Variants in DCC observed in about 807,000 individuals in gnomAD.
DCC encodes netrin receptor DCC.
DCC carries 58 observed loss-of-function variants against 172.5 expected under a neutral mutation model. That is an observed-to-expected ratio of 0.34 (90% CI 0.27 to 0.42). The LOEUF is 0.42. Ranked by LOEUF, DCC falls within the 10% of genes least tolerant of loss-of-function variation. The pLI is 1.00. For missense variants in DCC, 1,740 were observed against 1,791.0 expected (o/e 0.97, Z 0.51); for synonymous variants, 709 against 644.5 (o/e 1.10, Z -1.52).
intron 5 of DCC, among the ~76,000 whole-genome samples, chr18:53,029,203 A>G (rs1424083532): frequency 2.0e-5 from 3 of 152,196 alleles, no homozygotes; most frequent in Admixed American, 2.0e-4. Context: ...TTAGCCAGTT[A>G]TAACTCATTA....
chr18:53,418,682 A>T (rs899591403), intron 21 of DCC, among the ~76,000 whole-genome samples: 5 of 152,118 alleles, frequency 3.3e-5, no homozygotes, highest in African/African-American at 9.7e-5. Flanking sequence ...TGATTGTCCT[A>T]AAAAAAGTAT....
chr18:52,794,207 A>C (rs2037828861), intron 2 of DCC, among the ~76,000 whole-genome samples: 1 of 151,618 alleles, frequency 6.6e-6, no homozygotes, highest in Non-Finnish European at 1.5e-5. Context: ...TTTGATGGGG[A>C]TTGCATTATG....
At chr18:53,472,941 A>G (rs2045716159) in intron 25 of DCC, among the ~76,000 whole-genome samples, 1 of 152,188 alleles carries the variant, frequency 6.6e-6, no homozygotes, top group African/African-American at 2.4e-5. Context: ...ACCCAGACTC[A>G]TGCTAAGGTA....
intron 2 of DCC, among the ~76,000 whole-genome samples, chr18:52,771,198 G>A (rs2037336755): frequency 1.3e-5 from 2 of 152,166 alleles, no homozygotes; most frequent in African/African-American, 2.4e-5. Context: ...CCAGATGCAC[G>A]CACAGAATGG....
chr18:53,138,985 A>C (rs1333183332), intron 7 of DCC, among the ~76,000 whole-genome samples: 1 of 152,214 alleles, frequency 6.6e-6, no homozygotes, highest in East Asian at 1.9e-4. Context: ...TACTATATAC[A>C]CTATGATTAC....
intron 5 of DCC, among the ~76,000 whole-genome samples, chr18:53,019,784 T>C (rs2041854540): frequency 6.6e-6 from 1 of 152,160 alleles, no homozygotes; most frequent in Non-Finnish European, 1.5e-5. Context: ...GTTTACTTAT[T>C]ATGTATGGTT....
intron 1 of DCC, among the ~76,000 whole-genome samples, chr18:52,358,992 C>T (rs546398902): frequency 2.0e-5 from 3 of 152,300 alleles, no homozygotes; most frequent in South Asian, 2.1e-4. Flanking sequence ...TTATAAAATC[C>T]TCCATGACAA....
In DCC at chr18:53,305,662, A is replaced by AC; in HGVS notation, c.1999dup (p.Arg667ProfsTer4). On this transcript the variant is annotated frameshift_variant, in exon 13 of 29. Coordinates refer to ENST00000442544, the MANE Select transcript of DCC (RefSeq NM_005215.4). LOFTEE classifies it high-confidence loss of function. ...CTATAAAATTCGACACAGAAAGACG[A>AC]CCCGCAGGGGTGAGATGGAAACACT... 6.2e-7 allele frequency: 1 copy of AC among 1,614,080 alleles called. No homozygotes were observed. The highest frequency in any genetic ancestry group is 8.5e-7 in the Non-Finnish European group (1 of 1,179,942).
intron 1 of DCC, among the ~76,000 whole-genome samples, chr18:52,622,843 G>A (rs2034505398): frequency 6.6e-6 from 1 of 151,984 alleles, no homozygotes; most frequent in South Asian, 2.1e-4. Context: ...GATTTTAGGT[G>A]ACCAAAAAAA....
At chr18:52,702,470 T>A (rs988176384) in intron 1 of DCC, among the ~76,000 whole-genome samples, 1 of 152,206 alleles carries the variant, frequency 6.6e-6, no homozygotes, top group Non-Finnish European at 1.5e-5. Flanking sequence ...ACAACCCAGT[T>A]TTCTCTTGGT....
At chr18:52,488,958 T>G (rs148579692) in intron 1 of DCC, among the ~76,000 whole-genome samples, 33 of 152,178 alleles carry the variant, frequency 2.2e-4, no homozygotes, top group African/African-American at 7.7e-4. Flanking sequence ...CTCTTCCCCC[T>G]TCTTCTCTTC....
chr18:52,640,318 C>T (rs1176965812), intron 1 of DCC, among the ~76,000 whole-genome samples: 2 of 152,140 alleles, frequency 1.3e-5, no homozygotes, highest in African/African-American at 4.8e-5. Flanking sequence ...GATACCCACT[C>T]TCATGACCCC....
At chr18:53,444,486 G>T (rs373895228) in intron 22 of DCC, among the ~76,000 whole-genome samples, 1 of 152,090 alleles carries the variant, frequency 6.6e-6, no homozygotes, top group African/African-American at 2.4e-5. Flanking sequence ...GTGACAGAAC[G>T]AGAGTCTGTC....
At chr18:53,147,112 A>G (rs1598848458) in intron 7 of DCC, among the ~76,000 whole-genome samples, 1 of 152,150 alleles carries the variant, frequency 6.6e-6, no homozygotes, top group African/African-American at 2.4e-5. Context: ...CCTACTTTAT[A>G]GATTTAAGGT....
chr18:52,908,452 T>A (rs1377082066), intron 3 of DCC, among the ~76,000 whole-genome samples: 1 of 152,178 alleles, frequency 6.6e-6, no homozygotes, highest in Non-Finnish European at 1.5e-5. Context: ...TCACATATTA[T>A]TAATAATGCA....
intron 7 of DCC, among the ~76,000 whole-genome samples, chr18:53,099,714 G>A (rs1171936545): frequency 1.3e-5 from 2 of 152,032 alleles, no homozygotes; most frequent in Non-Finnish European, 2.9e-5. Context: ...CCTAAAGGAG[G>A]TTTGAACCCC....
At chr18:53,384,995 C>T (rs1034453910) in intron 15 of DCC, among the ~76,000 whole-genome samples, 6 of 150,336 alleles carry the variant, frequency 4.0e-5, no homozygotes, top group East Asian at 3.9e-4. Context: ...CTCGGGCACC[C>T]GCCACAGTGC....
chr18:52,388,917 T>C (rs1246943995), intron 1 of DCC, among the ~76,000 whole-genome samples: 1 of 152,136 alleles, frequency 6.6e-6, no homozygotes, highest in African/African-American at 2.4e-5. Context: ...CTCCACACAG[T>C]GGACACTTGG....
intron 5 of DCC, among the ~76,000 whole-genome samples, chr18:53,041,994 A>ATTTCTT (rs1321232141): frequency 6.6e-6 from 1 of 151,864 alleles, no homozygotes; most frequent in Non-Finnish European, 1.5e-5. Context: ...TATACCCTTT[A>ATTTCTT]TTTCTTTTTC....
Sources: gnomAD v4.1 joint callset for allele counts (sites outside exome capture counted in the v4.1 genomes callset) on GRCh38, gnomAD v4.1.1 for gene constraint, MANE v1.5 for transcripts, NCBI Gene and HGNC (gene_info 2026-07-23, HGNC 2026-07-21) for gene names.